Variants in ART3 observed in about 807,000 individuals in gnomAD.
The protein encoded by ART3 is ADP-ribosyltransferase 3 (inactive), also known as ecto-ADP-ribosyltransferase 3.
A neutral mutation model predicts 48.5 loss-of-function variants in ART3; 49 were observed. That is an observed-to-expected ratio of 1.01 (90% CI 0.80 to 1.28). ART3 has a LOEUF of 1.28. ART3 is among the 50% of genes most tolerant of loss of function. The probability of loss-of-function intolerance (pLI) is 0.00; values close to 1 mark genes in which losing one functional copy is unlikely to be tolerated. For missense variants in ART3, 438 were observed against 454.3 expected (o/e 0.96, Z 0.33); for synonymous variants, 145 against 157.2 (o/e 0.92, Z 0.58).
intron 2 of ART3, among the ~76,000 whole-genome samples, chr4:76,079,166 T>C (rs563606316): frequency 6.2e-4 from 73 of 117,166 alleles, no homozygotes; most frequent in Middle Eastern, 3.8e-3. Context: ...CTTAGTTTCC[T>C]CATCTTTGTT....
intron 2 of ART3, among the ~76,000 whole-genome samples, chr4:76,077,144 C>T (rs1044966198): frequency 6.6e-6 from 1 of 152,106 alleles, no homozygotes; most frequent in Non-Finnish European, 1.5e-5. Context: ...TTTCCGTCAA[C>T]CCAAAAAGAA....
chr4:76,112,593 G>A lies in ART3; in HGVS notation c.*74G>A. 6.9e-7 allele frequency: 1 copy of A among 1,454,604 alleles called. No individual in the cohort carries two copies. Among genetic ancestry groups the A allele is most frequent in the Non-Finnish European group, 9.2e-7 (1 of 1,090,370 alleles). The allele number at this position is 1,454,604 out of a possible 1,614,324, so 90.1% of individuals were successfully genotyped here. A position where few individuals can be genotyped will look rare whatever the true frequency, so the allele number is the denominator to read the frequency against. On this transcript the variant is annotated 3_prime_UTR_variant, in exon 12 of 12. Coordinates refer to ENST00000355810, the MANE Select transcript of ART3 (RefSeq NM_001130016.3). ...GGATCCACAGGAGATCAAAAGGAAT[G>A]ATGTATTTTTTACGTGTTGGCCAAA... is the stretch of plus-strand genomic sequence containing the variant.
intron 3 of ART3, among the ~76,000 whole-genome samples, chr4:76,094,893 C>T (rs988783438): frequency 2.6e-5 from 4 of 152,194 alleles, no homozygotes; most frequent in Non-Finnish European, 5.9e-5. Context: ...TTTTAAACTA[C>T]TTAAGGGTTG....
chr4:76,081,718 G>A, intron 2 of ART3, 106 bp from the exon 3 acceptor site: 2 of 1,211,334 alleles, frequency 1.7e-6, no homozygotes, highest in South Asian at 3.0e-5. Flanking sequence ...TATAAGTCAG[G>A]CGAGAATTTT....
At chr4:76,015,150 C>G (rs1386218487) in intron 1 of ART3, among the ~76,000 whole-genome samples, 1 of 152,076 alleles carries the variant, frequency 6.6e-6, no homozygotes, top group Non-Finnish European at 1.5e-5. Flanking sequence ...ATATAAAAAC[C>G]AGTATTATTG....
chr4:76,058,940 A>G (rs1718929376), intron 1 of ART3, among the ~76,000 whole-genome samples: 1 of 152,208 alleles, frequency 6.6e-6, no homozygotes, highest in Admixed American at 6.5e-5. Context: ...AGTGACGTAG[A>G]GAAAATGGAA....
chr4:76,021,124 A>G (rs1210163965), intron 1 of ART3: 1 of 152,292 alleles, frequency 6.6e-6, no homozygotes, highest in Non-Finnish European at 1.5e-5. Context: ...CATCTTAGTT[A>G]TAATTACTTT....
intron 3 of ART3, among the ~76,000 whole-genome samples, chr4:76,095,537 A>G (rs983612504): frequency 5.3e-5 from 8 of 152,042 alleles, no homozygotes; most frequent in Admixed American, 2.0e-4. Context: ...AAATAAAGAT[A>G]CCCATTCTTT....
At position 76,035,974 on chromosome 4, in the gene ART3, C is replaced by A. The variant is rs763762627; in HGVS notation, c.-10+24654C>A. On this transcript the variant is annotated intron_variant, in intron 1 of 9. Transcript: ENST00000341029. ...TATCACAGCCAAGGCTATAGCCATG[C>A]CCTTCACACTCATGTTTGTTTTTTG... The A allele has an allele frequency of 6.2e-6, 10 of 1,613,828 alleles. No homozygotes were observed. In the South Asian group the frequency reaches 1.1e-4, roughly 18 times the overall value.
At chr4:76,022,713 A>G (rs1732977403) in intron 1 of ART3, 5 of 1,613,872 alleles carry the variant, frequency 3.1e-6, no homozygotes, top group Non-Finnish European at 4.2e-6. Flanking sequence ...CGTGGACAAA[A>G]TTGGCTTGCA....
chr4:76,017,443 A>T (rs1443114532), intron 1 of ART3, among the ~76,000 whole-genome samples: 1 of 151,868 alleles, frequency 6.6e-6, no homozygotes, highest in Non-Finnish European at 1.5e-5. Context: ...CTGAACTCGT[A>T]TCCAAGTTTC....
At chr4:76,100,849 G>A (rs925877259) in intron 7 of ART3, 25 bp downstream of exon 7, 1 of 1,610,460 alleles carries the variant, frequency 6.2e-7, no homozygotes, top group Admixed American at 1.7e-5. Context: ...ATAAATTCTG[G>A]GGGCTTACAT....
upstream of ART3, among the ~76,000 whole-genome samples, chr4:76,074,000 T>C (rs1213169299): frequency 2.0e-5 from 3 of 152,198 alleles, no homozygotes; most frequent in African/African-American, 7.2e-5. Flanking sequence ...ATTCTATTAA[T>C]GTATTTTGGT....
intron 1 of ART3, among the ~76,000 whole-genome samples, chr4:76,068,870 G>T (rs1173739336): frequency 6.6e-6 from 1 of 152,118 alleles, no homozygotes; most frequent in East Asian, 1.9e-4. Flanking sequence ...TTTAAGAAAT[G>T]AGGTCTCACT....
intron 1 of ART3, among the ~76,000 whole-genome samples, chr4:76,014,446 C>T (rs546598912): frequency 2.6e-4 from 40 of 152,028 alleles, no homozygotes; most frequent in African/African-American, 9.6e-4. Context: ...TTTGAGCCAG[C>T]AGAAGAAAGA....
At chr4:76,025,262 C>A (rs1284251531) in intron 1 of ART3, among the ~76,000 whole-genome samples, 1 of 152,110 alleles carries the variant, frequency 6.6e-6, no homozygotes, top group African/African-American at 2.4e-5. Flanking sequence ...AGAATGCCAA[C>A]AAATTTCAGA....
chr4:76,109,522 T>G (rs1009789572), intron 11 of ART3, among the ~76,000 whole-genome samples: 3 of 151,812 alleles, frequency 2.0e-5, no homozygotes, highest in African/African-American at 7.3e-5. Context: ...ATTAAAAGTA[T>G]AGTAAGTACA....
rs931846157 is a variant in ART3 at position 76,090,545 on chromosome 4, T to G, written c.782-7099T>G. ...TAGGGAACTTGTGGGAGGGCTTTAT[T>G]TACTCTTGTCCAGACTGCGTCTAAT... On this transcript the variant is annotated intron_variant, in intron 3 of 11. Coordinates refer to ENST00000355810, the MANE Select transcript of ART3 (RefSeq NM_001130016.3). Among the ~76,000 whole-genome samples the G allele has an allele frequency of 2.0e-5, 3 of 152,306 alleles. No homozygotes were observed. The East Asian group carries it at 5.8e-4, about 29-fold the overall frequency.
intron 1 of ART3, chr4:76,022,399 A>C: frequency 6.2e-7 from 1 of 1,613,660 alleles, no homozygotes. Context: ...TAAATTCTTG[A>C]TGGCCTTCGA....
Sources: allele counts gnomAD v4.1 joint callset (sites outside exome capture counted in the v4.1 genomes callset), GRCh38; gene constraint gnomAD v4.1.1; transcripts MANE v1.5; gene names NCBI Gene and HGNC (gene_info 2026-07-23, HGNC 2026-07-21).